The following INSL6 variants were observed in gnomAD, a reference collection of about 807,000 sequenced individuals.
INSL6 encodes insulin-like peptide INSL6.
A neutral mutation model predicts 9.4 loss-of-function variants in INSL6; 16 were observed. That is an observed-to-expected ratio of 1.70 (90% CI 1.15 to 2.59). The LOEUF (loss-of-function observed/expected upper bound fraction) is 2.59, where lower values mean the gene tolerates loss of function less well. INSL6 is among the 30% of genes most tolerant of loss of function. The pLI is 0.00. For missense variants in INSL6, 391 were observed against 257.3 expected (o/e 1.52, Z -3.56); for synonymous variants, 154 against 96.9 (o/e 1.59, Z -3.46).
chr9:5,170,590 C>A, intron 1 of INSL6, among the ~76,000 whole-genome samples: 2 of 146,176 alleles, frequency 1.4e-5, no homozygotes, highest in South Asian at 2.2e-4. Context: ...ATAAAATAGA[C>A]CACTAGGTAG....
At chr9:5,055,125 G>T in the INSL6 span, among the ~76,000 whole-genome samples, 1 of 151,836 alleles carries the variant, frequency 6.6e-6, no homozygotes, top group East Asian at 1.9e-4. Context: ...GTTTCAGAAA[G>T]ATGTCAAATT....
At chr9:5,029,194 A>G in the INSL6 span, among the ~76,000 whole-genome samples, 2 of 152,186 alleles carry the variant, frequency 1.3e-5, no homozygotes, top group Non-Finnish European at 2.9e-5. Context: ...TAATTGGCCT[A>G]ATTTCCATAT....
At chr9:5,161,468 TATC>T (rs1824925048), downstream of INSL6, among the ~76,000 whole-genome samples, 1 of 152,186 alleles carries the variant, frequency 6.6e-6, no homozygotes, top group African/African-American at 2.4e-5. Context: ...CCACAGCTAG[TATC>T]ATACTGAAAT....
At chr9:5,041,890 G>A in the INSL6 span, 6 of 419,970 alleles carry the variant, frequency 1.4e-5, no homozygotes, top group Non-Finnish European at 2.3e-5. Context: ...GCCCATCAGG[G>A]CGCCTGCAGA....
At chr9:5,021,930 G>A in the INSL6 span, 1 of 1,319,906 alleles carries the variant, frequency 7.6e-7, no homozygotes, top group Non-Finnish European at 1.1e-6. Flanking sequence ...ACTGCGCCCA[G>A]CCCATTTGTA....
At chr9:5,065,322 T>C in the INSL6 span, among the ~76,000 whole-genome samples, 1 of 152,168 alleles carries the variant, frequency 6.6e-6, no homozygotes, top group African/African-American at 2.4e-5. Flanking sequence ...AAAAGAAAGA[T>C]CTCCAATTTA....
the INSL6 span, among the ~76,000 whole-genome samples, chr9:4,997,419 AT>A: frequency 1.3e-5 from 2 of 152,168 alleles, no homozygotes; most frequent in East Asian, 3.8e-4. Context: ...GGAATATCAC[AT>A]TTCAAGAGCT....
chr9:5,023,488 G>T, the INSL6 span, among the ~76,000 whole-genome samples: 1 of 152,158 alleles, frequency 6.6e-6, no homozygotes, highest in African/African-American at 2.4e-5. Flanking sequence ...AAATGCTTTT[G>T]TGCTGTCTCT....
chr9:5,044,306 AT>A, the INSL6 span: 5 of 761,780 alleles, frequency 6.6e-6, no homozygotes, highest in Non-Finnish European at 1.1e-5. Context: ...TAAGTATGGG[AT>A]AATACCTTTC....
the INSL6 span, among the ~76,000 whole-genome samples, chr9:5,070,384 A>G: frequency 9.9e-5 from 15 of 152,180 alleles, no homozygotes; most frequent in South Asian, 2.7e-3. Context: ...GGGGTTAAAA[A>G]TAAAGAAGAA....
the INSL6 span, chr9:5,098,226 C>T: frequency 1.1e-4 from 16 of 152,138 alleles, no homozygotes; most frequent in Admixed American, 6.6e-5. Flanking sequence ...AATTAACTTC[C>T]AGAAACTGGT....
chr9:5,081,478 T>G, the INSL6 span, among the ~76,000 whole-genome samples: 6 of 152,306 alleles, frequency 3.9e-5, no homozygotes, highest in East Asian at 1.2e-3. Context: ...TTACCTTACT[T>G]TATGAATACT....
At chr9:5,058,079 A>G in the INSL6 span, among the ~76,000 whole-genome samples, 3 of 152,166 alleles carry the variant, frequency 2.0e-5, no homozygotes, top group African/African-American at 7.2e-5. Flanking sequence ...ACATTTGTTC[A>G]TTCATCCATC....
the INSL6 span, among the ~76,000 whole-genome samples, chr9:5,014,865 A>G: frequency 2.8e-4 from 42 of 152,086 alleles, no homozygotes; most frequent in African/African-American, 8.9e-4. Flanking sequence ...TCTCCTGTCT[A>G]TCTTGCAGAA....
At chr9:5,020,279 C>G in the INSL6 span, among the ~76,000 whole-genome samples, 2 of 152,122 alleles carry the variant, frequency 1.3e-5, no homozygotes, top group Non-Finnish European at 2.9e-5. Flanking sequence ...TCCTCAGACC[C>G]CCAGGTGGAA....
At chr9:5,007,203 C>T in the INSL6 span, among the ~76,000 whole-genome samples, 3 of 152,070 alleles carry the variant, frequency 2.0e-5, no homozygotes, top group East Asian at 5.8e-4. Flanking sequence ...TATTTAATAA[C>T]ATTGTTCAGC....
At chr9:5,032,665 A>C in the INSL6 span, among the ~76,000 whole-genome samples, 1 of 152,220 alleles carries the variant, frequency 6.6e-6, no homozygotes, top group Admixed American at 6.5e-5. Flanking sequence ...GCAAACTCCA[A>C]CAGACCTGCA....
the INSL6 span, among the ~76,000 whole-genome samples, chr9:5,043,744 C>A: frequency 6.6e-6 from 1 of 152,110 alleles, no homozygotes; most frequent in East Asian, 1.9e-4. Flanking sequence ...TATATTCATA[C>A]AATGAAATAT....
At chr9:4,996,624 T>C in the INSL6 span, among the ~76,000 whole-genome samples, 1 of 152,066 alleles carries the variant, frequency 6.6e-6, no homozygotes, top group East Asian at 1.9e-4. Flanking sequence ...GCATCAGATC[T>C]TCAGTTGTAA....
Sources: gnomAD v4.1 joint callset for allele counts (sites outside exome capture counted in the v4.1 genomes callset) on GRCh38, gnomAD v4.1.1 for gene constraint, MANE v1.5 for transcripts, NCBI Gene and HGNC (gene_info 2026-07-23, HGNC 2026-07-21) for gene names.